Variants in RBFOX1 observed in about 807,000 individuals in gnomAD.
RBFOX1 encodes RNA binding protein fox-1 homolog 1.
In RBFOX1, 8 loss-of-function variants were observed where a neutral mutation model predicts 57.7. The observed-to-expected ratio is 0.14, with a 90% CI of 0.08 to 0.25. The LOEUF is 0.25. RBFOX1 is among the 10% of genes least tolerant of loss of function. The pLI is 1.00. For synonymous variants in RBFOX1, 326 were observed against 222.4 expected, an observed-to-expected ratio of 1.47 and a Z score of -4.15; for missense variants, 611 against 548.5, an observed-to-expected ratio of 1.11 and a Z score of -1.14.
At chr16:5,846,492 C>T (rs150428977) in intron 3 of RBFOX1, among the ~76,000 whole-genome samples, 82 of 152,220 alleles carry the variant, frequency 5.4e-4, no homozygotes, top group Middle Eastern at 3.4e-3. Context: ...TTCCTCACAA[C>T]CCCCCAAGGA....
At chr16:6,004,842 G>A (rs573068614) in intron 4 of RBFOX1, among the ~76,000 whole-genome samples, 2 of 152,264 alleles carry the variant, frequency 1.3e-5, no homozygotes, top group South Asian at 2.1e-4. Flanking sequence ...TCTGAGAAAC[G>A]TATTAGACCT....
chr16:5,336,936 G>T (rs1171749125), intron 1 of RBFOX1, among the ~76,000 whole-genome samples: 1 of 152,184 alleles, frequency 6.6e-6, no homozygotes, highest in Non-Finnish European at 1.5e-5. Flanking sequence ...TTCTCCTCCT[G>T]GCTGCATCTG....
At chr16:5,286,702 A>G (rs1407138582) in intron 1 of RBFOX1, among the ~76,000 whole-genome samples, 4 of 152,216 alleles carry the variant, frequency 2.6e-5, no homozygotes, top group Non-Finnish European at 4.4e-5. Context: ...AGACTAGGGA[A>G]TGGCAAACTT....
chr16:5,743,366 A>T (rs574917410), intron 3 of RBFOX1, among the ~76,000 whole-genome samples: 1 of 152,298 alleles, frequency 6.6e-6, no homozygotes, highest in South Asian at 2.1e-4. Flanking sequence ...AGAATCAGAC[A>T]TATCAGAGTT....
At chr16:7,540,565 C>T (rs959563569) in intron 5 of RBFOX1, among the ~76,000 whole-genome samples, 2 of 152,194 alleles carry the variant, frequency 1.3e-5, no homozygotes, top group African/African-American at 2.4e-5. Context: ...TTATACAACA[C>T]ATCTGATGAT....
At chr16:7,135,177 C>G (rs886953476) in intron 4 of RBFOX1, among the ~76,000 whole-genome samples, 1 of 152,126 alleles carries the variant, frequency 6.6e-6, no homozygotes, top group Non-Finnish European at 1.5e-5. Flanking sequence ...TTACATTGTT[C>G]TGTTTCCTCA....
chr16:7,458,529 G>C (rs1313952107), intron 4 of RBFOX1, among the ~76,000 whole-genome samples: 1 of 151,996 alleles, frequency 6.6e-6, no homozygotes, highest in Non-Finnish European at 1.5e-5. Context: ...TTTTGTCATT[G>C]TTAAAGGAAA....
intron 4 of RBFOX1, among the ~76,000 whole-genome samples, chr16:7,217,488 T>C (rs1346179664): frequency 6.6e-6 from 1 of 151,916 alleles, no homozygotes; most frequent in Non-Finnish European, 1.5e-5. Flanking sequence ...GAAGCTTTGT[T>C]CCTGGTGTTC....
At chr16:7,645,230 G>A (rs1271697546) in intron 11 of RBFOX1, among the ~76,000 whole-genome samples, 1 of 152,062 alleles carries the variant, frequency 6.6e-6, no homozygotes, top group African/African-American at 2.4e-5. Flanking sequence ...TTTCTACCAT[G>A]ACGTTATGTA....
rs141906761 is a variant in RBFOX1 at position 5,518,583 on chromosome 16, C to G, written c.258+51329C>G. 7.4e-3 allele frequency among the ~76,000 whole-genome samples: 1,127 copies of G among 152,278 alleles called. 18 individuals are homozygous for G. The highest frequency in any genetic ancestry group is 0.026 in the African/African-American group (1,075 of 41,534). ...GTAGATTAAGAAATGAGAGGAAATC[C>G]ATAAACCTGCAAGGATATGTCCATG... On this transcript the variant is annotated intron_variant, in intron 2 of 2. Transcript: ENST00000585867.
At chr16:6,049,957 T>TTG (rs386384119) in intron 1 of RBFOX1, among the ~76,000 whole-genome samples, 1 of 60,274 alleles carries the variant, frequency 1.7e-5, no homozygotes, top group Non-Finnish European at 4.1e-5. Context: ...GCTTAAAACG[T>TTG]TTTTTTTTTT....
intron 4 of RBFOX1, among the ~76,000 whole-genome samples, chr16:5,927,085 C>G (rs956773746): frequency 1.3e-5 from 2 of 152,134 alleles, no homozygotes; most frequent in African/African-American, 4.8e-5. Context: ...TACCCTAGCT[C>G]TGTGATTCAT....
At chr16:6,013,031 C>T (rs2094970981) in intron 4 of RBFOX1, among the ~76,000 whole-genome samples, 1 of 152,086 alleles carries the variant, frequency 6.6e-6, no homozygotes, top group Non-Finnish European at 1.5e-5. Flanking sequence ...TTAATAGTAA[C>T]TATTAATATG....
chr16:5,726,054 T>C (rs550514516), intron 3 of RBFOX1, among the ~76,000 whole-genome samples: 109 of 152,158 alleles, frequency 7.2e-4, no homozygotes, highest in African/African-American at 2.4e-3. Flanking sequence ...TCTCTCTACT[T>C]CCTTTTTCTT....
chr16:6,184,453 G>C (rs1007293973), intron 1 of RBFOX1, among the ~76,000 whole-genome samples: 2 of 152,212 alleles, frequency 1.3e-5, no homozygotes, highest in Non-Finnish European at 2.9e-5. Context: ...AGTGGTCAGA[G>C]TTTGGATATA....
intron 3 of RBFOX1, among the ~76,000 whole-genome samples, chr16:7,037,905 T>C (rs1221088113): frequency 6.6e-6 from 1 of 152,238 alleles, no homozygotes; most frequent in African/African-American, 2.4e-5. Context: ...TGAATCTATT[T>C]AATTGGGATG....
chr16:6,954,494 C>T (rs748891009), intron 3 of RBFOX1, among the ~76,000 whole-genome samples: 6 of 152,058 alleles, frequency 3.9e-5, no homozygotes, highest in Non-Finnish European at 8.8e-5. Flanking sequence ...TTTGTTGAAA[C>T]ATTTGTTTTA....
intron 2 of RBFOX1, among the ~76,000 whole-genome samples, chr16:6,557,467 C>T (rs927743227): frequency 3.3e-5 from 5 of 152,122 alleles, no homozygotes; most frequent in African/African-American, 7.2e-5. Flanking sequence ...ATTACATTGT[C>T]ATCTGTCTTG....
At chr16:7,136,919 C>T (rs151260418) in intron 4 of RBFOX1, among the ~76,000 whole-genome samples, 11 of 152,274 alleles carry the variant, frequency 7.2e-5, no homozygotes, top group East Asian at 1.9e-4. Flanking sequence ...TAGAAGTTTG[C>T]GCTGGGGCCC....
Sources: gnomAD v4.1 joint callset for allele counts (sites outside exome capture counted in the v4.1 genomes callset) on GRCh38, gnomAD v4.1.1 for gene constraint, MANE v1.5 for transcripts, NCBI Gene and HGNC (gene_info 2026-07-23, HGNC 2026-07-21) for gene names.